Variants in MSN observed in about 807,000 individuals in gnomAD.
MSN encodes moesin.
A neutral mutation model predicts 48.0 loss-of-function variants in MSN; 2 were observed. That is an observed-to-expected ratio of 0.04 (90% CI 0.02 to 0.13). MSN has a LOEUF of 0.13. Ranked by LOEUF, MSN falls within the 10% of genes least tolerant of loss-of-function variation. MSN has a pLI of 1.00. For synonymous variants in MSN, 146 were observed against 166.9 expected (o/e 0.87, Z 0.97); for missense variants, 267 against 470.1 (o/e 0.57, Z 3.99).
chrX:65,618,131 G>C (rs181797709), intron 1 of MSN, among the ~76,000 whole-genome samples: 1 of 111,766 alleles, frequency 8.9e-6, no homozygotes, highest in Non-Finnish European at 1.9e-5. Context: ...TTCCAACTAA[G>C]TGGTCAGTTT....
intron 1 of MSN, among the ~76,000 whole-genome samples, chrX:65,673,247 T>C (rs960802267): frequency 8.9e-6 from 1 of 111,899 alleles, no homozygotes; most frequent in Non-Finnish European, 1.9e-5. Context: ...CATTTTTCAG[T>C]GACCGCCTGC....
chrX:65,629,471 C>T (rs1025761858), intron 1 of MSN, among the ~76,000 whole-genome samples: 3 of 112,021 alleles, frequency 2.7e-5, no homozygotes, highest in African/African-American at 9.7e-5. Context: ...TTTTGGGTAT[C>T]TTTTCAGTAG....
chrX:65,644,359 A>T (rs1336765705), intron 1 of MSN, among the ~76,000 whole-genome samples: 1 of 111,239 alleles, frequency 9.0e-6, no homozygotes, highest in Non-Finnish European at 1.9e-5. Flanking sequence ...CATCAAACAG[A>T]TGGAAAGATG....
At chrX:65,614,038 A>C (rs1372442235) in intron 1 of MSN, among the ~76,000 whole-genome samples, 2 of 111,668 alleles carry the variant, frequency 1.8e-5, no homozygotes, top group African/African-American at 6.5e-5. Context: ...ATCTTGAGTT[A>C]ATCTTTGTAT....
rs149176517 is a variant in MSN, at chrX:65,731,518, T to C, written c.552-320T>C. On this transcript the variant is annotated intron_variant, in intron 5 of 12. Transcript: ENST00000360270. ...GCCATCACCACATTCTGAGCCCTGC[T>C]AAGAATGTGCCTTTATAAGAGGCTG... Among the ~76,000 whole-genome samples, 288 of 110,930 alleles carry C rather than the reference T, an allele frequency of 2.6e-3. 1 individual carries two copies. Among genetic ancestry groups the C allele is most frequent in the African/African-American group, 8.6e-3 (264 of 30,542 alleles).
rs1245045976 is a variant in MSN, at chrX:65,739,338, T to C, written c.1569+144T>C. 1.6e-5 allele frequency: 9 copies of C among 566,938 alleles called. No homozygotes were observed. In the East Asian group the frequency reaches 3.3e-4, roughly 21 times the overall value. 46.7% of individuals were successfully genotyped at this position (566,938 alleles called of 1,213,427 possible). ...CCAAGCCGTTCTTAAGTGACAGCTTTAAGGATAGGCACCTCTCACTTATTA... is the reference window on the plus strand; with the variant it reads ...CCAAGCCGTTCTTAAGTGACAGCTTCAAGGATAGGCACCTCTCACTTATTA... On this transcript the variant is annotated intron_variant, in intron 12 of 12. Transcript: ENST00000360270.
chrX:65,606,191 A>T (rs1328674358), intron 1 of MSN, among the ~76,000 whole-genome samples: 1 of 106,239 alleles, frequency 9.4e-6, no homozygotes, highest in East Asian at 2.9e-4. Context: ...GTGCAGTGGC[A>T]TGATCTTGGC....
At chrX:65,623,520 G>T (rs1193514149) in intron 1 of MSN, among the ~76,000 whole-genome samples, 1 of 109,714 alleles carries the variant, frequency 9.1e-6, no homozygotes, top group Non-Finnish European at 1.9e-5. Flanking sequence ...TAAATATTTG[G>T]TAGAATTTGG....
chrX:65,701,370 C>G (rs2147484589), intron 1 of MSN, among the ~76,000 whole-genome samples: 1 of 111,691 alleles, frequency 9.0e-6, no homozygotes, highest in African/African-American at 3.3e-5. Context: ...GCCTGCAGAC[C>G]TTACTTTGCT....
intron 1 of MSN, among the ~76,000 whole-genome samples, chrX:65,683,472 A>G (rs1415721171): frequency 1.1e-5 from 1 of 92,747 alleles, no homozygotes; most frequent in Non-Finnish European, 2.0e-5. Context: ...AGAGCTGCTT[A>G]TCTTTGCAGA....
chrX:65,708,880 G>T (rs2071388379), intron 1 of MSN, among the ~76,000 whole-genome samples: 1 of 110,830 alleles, frequency 9.0e-6, no homozygotes, highest in South Asian at 3.8e-4. Flanking sequence ...ACGGGGTTTT[G>T]CTGTGTTGGC....
At chrX:65,685,513 T>A (rs1259233699) in intron 1 of MSN, among the ~76,000 whole-genome samples, 1 of 112,311 alleles carries the variant, frequency 8.9e-6, no homozygotes, top group Non-Finnish European at 1.9e-5. Flanking sequence ...AGAAGAGCAG[T>A]GGAGGCTGGT....
chrX:65,674,739 C>T (rs1262176939), intron 1 of MSN, among the ~76,000 whole-genome samples: 1 of 111,556 alleles, frequency 9.0e-6, no homozygotes, highest in African/African-American at 3.3e-5. Context: ...CCTCAAAGTT[C>T]ACCACTCACC....
chrX:65,622,586 C>T (rs541636078), intron 1 of MSN, among the ~76,000 whole-genome samples: 69 of 101,133 alleles, frequency 6.8e-4, no homozygotes, highest in East Asian at 1.6e-3. Context: ...GCATGATTTC[C>T]GCTCACTGAC....
At chrX:65,599,931 A>AG in intron 1 of MSN, among the ~76,000 whole-genome samples, 1 of 110,523 alleles carries the variant, frequency 9.0e-6, no homozygotes, top group South Asian at 3.9e-4. Flanking sequence ...TCTGGCAGGC[A>AG]GCCCTATGGA....
chrX:65,629,778 C>G (rs1226065335), intron 1 of MSN, among the ~76,000 whole-genome samples: 1 of 111,821 alleles, frequency 8.9e-6, no homozygotes, highest in Non-Finnish European at 1.9e-5. Context: ...AATTACACCC[C>G]CACCGGTCCC....
At chrX:65,642,337 G>A (rs1054866172) in intron 1 of MSN, among the ~76,000 whole-genome samples, 4 of 103,041 alleles carry the variant, frequency 3.9e-5, no homozygotes, top group Admixed American at 2.1e-4. Context: ...CCAGAATGTA[G>A]AGTGTACATT....
In MSN at chrX:65,739,025, T is replaced by C; in HGVS notation, c.1400T>C (p.Met467Thr). Residue 467 changes from methionine (M) to threonine (T), a missense_variant, in exon 12 of 13, where the codon ATG becomes ACG. Met to Thr is a moderately conservative substitution (Grantham distance 81). Transcript: ENST00000360270. ...EKTRAELKTA[M>T]STPHVAEPAE... ...ACCCGTGCTGAGCTGAAGACTGCCATGAGTACACCTCATGTGGCAGAGCCT... is the reference window on the plus strand; with the variant it reads ...ACCCGTGCTGAGCTGAAGACTGCCACGAGTACACCTCATGTGGCAGAGCCT... 1 of 1,211,729 alleles carries C rather than the reference T, an allele frequency of 8.3e-7. No homozygotes were observed. The highest frequency in any genetic ancestry group is 1.1e-6 in the Non-Finnish European group (1 of 895,458).
intron 2 of MSN, among the ~76,000 whole-genome samples, chrX:65,720,910 C>T (rs1238187059): frequency 8.9e-6 from 1 of 112,081 alleles, no homozygotes; most frequent in Non-Finnish European, 1.9e-5. Context: ...GAGTGTGCTA[C>T]AGCTAGAGGG....
Sources: allele counts gnomAD v4.1 joint callset (sites outside exome capture counted in the v4.1 genomes callset), GRCh38; gene constraint gnomAD v4.1.1; transcripts MANE v1.5; gene names NCBI Gene and HGNC (gene_info 2026-07-23, HGNC 2026-07-21).